Variants in PTPRR observed in about 807,000 individuals in gnomAD.
PTPRR encodes the protein protein tyrosine phosphatase receptor type R, also known as receptor-type tyrosine-protein phosphatase R.
A neutral mutation model predicts 77.2 loss-of-function variants in PTPRR; 38 were observed. That is an observed-to-expected ratio of 0.49 (90% CI 0.38 to 0.65). The LOEUF is 0.65. Among genes scored for constraint, PTPRR ranks in the 30% least tolerant of loss-of-function variants. PTPRR has a pLI of 0.00. For synonymous variants in PTPRR, 299 were observed against 283.1 expected (o/e 1.06, Z -0.57); for missense variants, 744 against 799.2 (o/e 0.93, Z 0.83).
At chr12:70,821,381 C>A (rs893340154) in intron 2 of PTPRR, among the ~76,000 whole-genome samples, 2 of 151,378 alleles carry the variant, frequency 1.3e-5, no homozygotes, top group Admixed American at 6.6e-5. Flanking sequence ...CACACCACCA[C>A]GCCCAGCTAA....
At chr12:70,873,928 T>C (rs1002260600) in intron 2 of PTPRR, among the ~76,000 whole-genome samples, 1 of 152,144 alleles carries the variant, frequency 6.6e-6, no homozygotes, top group Non-Finnish European at 1.5e-5. Context: ...GATGTCATAA[T>C]GGAGATAGCC....
At chr12:70,679,357 A>G (rs1179644701) in intron 10 of PTPRR, among the ~76,000 whole-genome samples, 1 of 152,156 alleles carries the variant, frequency 6.6e-6, no homozygotes, top group Non-Finnish European at 1.5e-5. Context: ...AAAAACGTGT[A>G]TTCTGCAGTT....
intron 2 of PTPRR, among the ~76,000 whole-genome samples, chr12:70,838,581 C>T (rs867890333): frequency 2.0e-5 from 3 of 152,194 alleles, no homozygotes; most frequent in Middle Eastern, 3.4e-3. Flanking sequence ...TGGGAAAGAA[C>T]ACTTAAATTC....
At chr12:70,764,047 C>T (rs1008001676) in intron 3 of PTPRR, among the ~76,000 whole-genome samples, 3 of 150,634 alleles carry the variant, frequency 2.0e-5, no homozygotes, top group African/African-American at 7.3e-5. Context: ...ACTCAGATGC[C>T]CATTCAAGTT....
At chr12:70,685,667 A>AAAC (rs1887841293) in intron 8 of PTPRR, among the ~76,000 whole-genome samples, 1 of 145,880 alleles carries the variant, frequency 6.9e-6, no homozygotes, top group South Asian at 2.1e-4. Context: ...AAAACGAAAC[A>AAAC]AAACAAAACA....
Position 70,920,697 on chromosome 12 carries a change from C to CCAGCCCAG in PTPRR, c.-315_-308dup, listed in dbSNP as rs977619624. On this transcript the variant is annotated 5_prime_UTR_variant, in exon 1 of 14. An upstream open reading frame in the 5' UTR loses its in-frame stop. Coordinates refer to ENST00000283228, the MANE Select transcript of PTPRR (RefSeq NM_002849.4). Reference sequence around the variant, plus strand: ...CGGAGACGGCAGGGTGGACTCCGCGCCAGCCCAGCAGCCCAGCAGCAGCGC... The same window carrying CCAGCCCAG: ...CGGAGACGGCAGGGTGGACTCCGCGCCAGCCCAGCAGCCCAGCAGCCCAGCAGCAGCGC... 4 of 345,138 alleles carry CCAGCCCAG rather than the reference C, an allele frequency of 1.2e-5. No homozygotes were observed. Among genetic ancestry groups the CCAGCCCAG allele is most frequent in the African/African-American group, 4.2e-5 (2 of 47,892 alleles). 21.4% of individuals were successfully genotyped at this position (345,138 alleles called of 1,614,324 possible). A position where few individuals can be genotyped will look rare whatever the true frequency, so the allele number is the denominator to read the frequency against.
At chr12:70,794,766 A>G (rs1215308451) in intron 2 of PTPRR, among the ~76,000 whole-genome samples, 2 of 152,196 alleles carry the variant, frequency 1.3e-5, no homozygotes, top group Admixed American at 1.3e-4. Context: ...TATCAATGAC[A>G]TCAGGATCAA....
At chr12:70,646,489 G>A (rs138944953) in intron 13 of PTPRR, among the ~76,000 whole-genome samples, 31 of 152,012 alleles carry the variant, frequency 2.0e-4, no homozygotes, top group Middle Eastern at 3.4e-3. Flanking sequence ...AAAATTAGCC[G>A]TTTTCCTCTG....
intron 6 of PTPRR, 61 bp from the exon 7 acceptor site, chr12:70,701,384 G>T (rs984481324): frequency 1.6e-5 from 24 of 1,493,828 alleles, no homozygotes; most frequent in Non-Finnish European, 2.1e-5. Context: ...GCAAAAACTT[G>T]TCTTTCTGTA....
intron 2 of PTPRR, among the ~76,000 whole-genome samples, chr12:70,843,413 C>G (rs1892429148): frequency 6.6e-6 from 1 of 152,150 alleles, no homozygotes; most frequent in Non-Finnish European, 1.5e-5. Context: ...TGTGCTAAGG[C>G]TCTCTGGACC....
At chr12:70,728,833 T>C (rs1346912884) in intron 6 of PTPRR, among the ~76,000 whole-genome samples, 2 of 152,060 alleles carry the variant, frequency 1.3e-5, no homozygotes, top group African/African-American at 4.8e-5. Context: ...CAGCCTGTGA[T>C]CCTAACAATT....
intron 2 of PTPRR, among the ~76,000 whole-genome samples, chr12:70,792,766 C>T (rs11178425): frequency 0.064 from 9,761 of 151,904 alleles, 374 homozygotes; most frequent in Non-Finnish European, 0.085. Flanking sequence ...ATTTTTTTTG[C>T]ACAAAGTAAA....
In PTPRR at chr12:70,749,590, C is replaced by T. The variant is rs74575605; in HGVS notation, c.739-3504G>A. Among the ~76,000 whole-genome samples the T allele has an allele frequency of 3.1e-4, 47 of 152,216 alleles. No homozygotes were observed. In the East Asian group the frequency reaches 7.3e-3, roughly 24 times the overall value. On this transcript the variant is annotated intron_variant, in intron 5 of 13. Coordinates refer to ENST00000283228, the MANE Select transcript of PTPRR (RefSeq NM_002849.4). ...AATCTGGTCCTAGTTCCCTTCATCCCGAGGGATTATATTTAACAAATGAGA... is the reference window on the plus strand; with the variant it reads ...AATCTGGTCCTAGTTCCCTTCATCCTGAGGGATTATATTTAACAAATGAGA...
chr12:70,846,332 T>C (rs930489261), intron 2 of PTPRR, among the ~76,000 whole-genome samples: 85 of 152,128 alleles, frequency 5.6e-4, no homozygotes, highest in Non-Finnish European at 1.5e-4. Flanking sequence ...AAATGTGGCT[T>C]ATGAGCATCT....
chr12:70,729,385 C>T lies in PTPRR; in HGVS notation c.1007+16433G>A, dbSNP rs940413296. ...CTATCTGAGTATCATCTTTCCCCAA[C>T]CCTGGACCAGAGCTGTTGAAGCTGA... On this transcript the variant is annotated intron_variant, in intron 6 of 13. Coordinates refer to ENST00000283228, the MANE Select transcript of PTPRR (RefSeq NM_002849.4). Among the ~76,000 whole-genome samples, 9 of 152,068 alleles carry T rather than the reference C, an allele frequency of 5.9e-5. No homozygotes were observed. The East Asian group carries it at 1.7e-3, about 29-fold the overall frequency.
chr12:70,915,728 G>T (rs1270312211), intron 1 of PTPRR, among the ~76,000 whole-genome samples: 2 of 152,192 alleles, frequency 1.3e-5, no homozygotes, highest in Non-Finnish European at 2.9e-5. Context: ...GTTAGAGATA[G>T]TGTGTTTTGG....
intron 6 of PTPRR, among the ~76,000 whole-genome samples, chr12:70,735,939 G>T (rs1889848052): frequency 1.3e-5 from 2 of 152,180 alleles, no homozygotes; most frequent in African/African-American, 2.4e-5. Flanking sequence ...ATGACCATGT[G>T]CTTCTCTGCT....
chr12:70,765,504 C>T (rs946940600), intron 2 of PTPRR, among the ~76,000 whole-genome samples: 12 of 152,264 alleles, frequency 7.9e-5, no homozygotes, highest in East Asian at 5.8e-4. Context: ...ACAAAGCAGC[C>T]GGGAAGCTCC....
intron 1 of PTPRR, among the ~76,000 whole-genome samples, chr12:70,903,543 T>C (rs1242730636): frequency 6.6e-6 from 1 of 151,824 alleles, no homozygotes; most frequent in Non-Finnish European, 1.5e-5. Flanking sequence ...TGTAACAAAA[T>C]GAACATTTAC....
Sources: gnomAD v4.1 joint callset for allele counts (sites outside exome capture counted in the v4.1 genomes callset) on GRCh38, gnomAD v4.1.1 for gene constraint, MANE v1.5 for transcripts, NCBI Gene and HGNC (gene_info 2026-07-23, HGNC 2026-07-21) for gene names.